The following NKAIN2 variants were observed in gnomAD, a reference collection of about 807,000 sequenced individuals.
The protein encoded by NKAIN2 is sodium/potassium transporting ATPase interacting 2, also known as sodium/potassium-transporting ATPase subunit beta-1-interacting protein 2.
In NKAIN2, 14 loss-of-function variants were observed where a neutral mutation model predicts 32.6. That is an observed-to-expected ratio of 0.43 (90% CI 0.28 to 0.67). The LOEUF is 0.67. Ranked by LOEUF, NKAIN2 falls within the 30% of genes least tolerant of loss-of-function variation. The pLI is 0.17. For synonymous variants in NKAIN2, 80 were observed against 87.2 expected (o/e 0.92, Z 0.46); for missense variants, 198 against 258.3 (o/e 0.77, Z 1.60).
At chr6:124,283,259 T>A in intron 2 of NKAIN2, 117 bp downstream of exon 2, 1 of 657,512 alleles carries the variant, frequency 1.5e-6, no homozygotes, top group Non-Finnish European at 2.6e-6. Context: ...TACTCTCTTT[T>A]AAGTACCATG....
intron 4 of NKAIN2, among the ~76,000 whole-genome samples, chr6:124,727,182 G>A (rs1375228828): frequency 6.6e-6 from 1 of 150,626 alleles, no homozygotes; most frequent in Non-Finnish European, 1.5e-5. Context: ...GCAGGCCAAC[G>A]TTCAGATTCA....
At chr6:124,732,389 C>CT (rs1776726458) in intron 4 of NKAIN2, among the ~76,000 whole-genome samples, 2 of 152,080 alleles carry the variant, frequency 1.3e-5, no homozygotes, top group East Asian at 3.9e-4. Flanking sequence ...AAGGCTAAGG[C>CT]TAAGAGGCAA....
rs149621122 is a variant in NKAIN2, at chr6:123,893,214, T to A, written c.54+88960T>A. ...GTATAATATTATAGAATATATATAT[T>A]TTTTAAGACCAGGTCTCACCCTGTC... On this transcript the variant is annotated intron_variant, in intron 1 of 6. Transcript: ENST00000368417. 4.9e-3 allele frequency among the ~76,000 whole-genome samples: 736 copies of A among 151,676 alleles called. 5 individuals carry two copies. Among genetic ancestry groups the A allele is most frequent in the African/African-American group, 0.017 (700 of 41,086 alleles).
intron 1 of NKAIN2, among the ~76,000 whole-genome samples, chr6:124,208,442 C>A (rs1582849735): frequency 6.6e-6 from 1 of 151,620 alleles, no homozygotes; most frequent in East Asian, 1.9e-4. Context: ...GGCATCATAA[C>A]TGAACAATAA....
intron 2 of NKAIN2, among the ~76,000 whole-genome samples, chr6:124,300,480 T>C (rs934317244): frequency 1.3e-5 from 2 of 152,172 alleles, no homozygotes; most frequent in African/African-American, 4.8e-5. Context: ...AGTAAATTGG[T>C]ACCAGTAAAG....
intron 1 of NKAIN2, among the ~76,000 whole-genome samples, chr6:124,010,188 T>C (rs1011635018): frequency 6.6e-6 from 1 of 152,116 alleles, no homozygotes; most frequent in Non-Finnish European, 1.5e-5. Context: ...ATTGAGAGGT[T>C]GCTGTCTGAG....
chr6:124,431,035 A>G (rs1775197140), intron 3 of NKAIN2, among the ~76,000 whole-genome samples: 1 of 152,202 alleles, frequency 6.6e-6, no homozygotes, highest in Admixed American at 6.5e-5. Flanking sequence ...TGAAAATGGC[A>G]ATAAGTTAGA....
intron 1 of NKAIN2, among the ~76,000 whole-genome samples, chr6:123,996,111 A>G (rs1167869853): frequency 6.6e-6 from 1 of 152,136 alleles, no homozygotes; most frequent in Non-Finnish European, 1.5e-5. Flanking sequence ...TATTTGAGAA[A>G]GGAAAACAGT....
At chr6:123,865,131 T>A (rs1156571114) in intron 1 of NKAIN2, among the ~76,000 whole-genome samples, 1 of 152,164 alleles carries the variant, frequency 6.6e-6, no homozygotes, top group Non-Finnish European at 1.5e-5. Context: ...TCAATAGGTC[T>A]AACACAGCTT....
chr6:123,900,281 C>G (rs1471511055), intron 1 of NKAIN2, among the ~76,000 whole-genome samples: 1 of 151,914 alleles, frequency 6.6e-6, no homozygotes, highest in Non-Finnish European at 1.5e-5. Flanking sequence ...ACCATCCTGT[C>G]CAACATGGTG....
At chr6:123,851,456 G>T (rs1004492489) in intron 1 of NKAIN2, among the ~76,000 whole-genome samples, 2 of 151,944 alleles carry the variant, frequency 1.3e-5, no homozygotes, top group Non-Finnish European at 2.9e-5. Flanking sequence ...TCACCATGTT[G>T]GCCAGGCTGG....
chr6:124,325,743 TA>T (rs1029292654), intron 2 of NKAIN2, among the ~76,000 whole-genome samples: 1 of 152,104 alleles, frequency 6.6e-6, no homozygotes, highest in African/African-American at 2.4e-5. Flanking sequence ...TGGTGATTAT[TA>T]GGGGTGTTAG....
intron 1 of NKAIN2, among the ~76,000 whole-genome samples, chr6:124,143,697 C>T (rs949771131): frequency 2.0e-5 from 3 of 151,870 alleles, no homozygotes; most frequent in Non-Finnish European, 4.4e-5. Context: ...AACAAGACAA[C>T]ATAATGTAAT....
chr6:124,730,792 A>G (rs1309410905), intron 4 of NKAIN2, among the ~76,000 whole-genome samples: 1 of 151,870 alleles, frequency 6.6e-6, no homozygotes, highest in East Asian at 1.9e-4. Flanking sequence ...AATGGGAGAA[A>G]ATTTTTGCAA....
intron 1 of NKAIN2, among the ~76,000 whole-genome samples, chr6:123,953,684 C>T (rs1777430515): frequency 6.6e-6 from 1 of 152,150 alleles, no homozygotes; most frequent in Non-Finnish European, 1.5e-5. Flanking sequence ...CCCCAGTCAG[C>T]ATGTTTGGAC....
chr6:124,458,687 A>G (rs1776414328), intron 3 of NKAIN2, among the ~76,000 whole-genome samples: 1 of 151,860 alleles, frequency 6.6e-6, no homozygotes, highest in South Asian at 2.1e-4. Context: ...ATAGGACTGT[A>G]TTATTTTGAG....
intron 2 of NKAIN2, among the ~76,000 whole-genome samples, chr6:124,315,337 A>T (rs1796904842): frequency 6.6e-6 from 1 of 152,166 alleles, no homozygotes; most frequent in Non-Finnish European, 1.5e-5. Flanking sequence ...TATTACAAAA[A>T]GCAAATGAGC....
At chr6:123,917,523 C>T (rs1775556672) in intron 1 of NKAIN2, among the ~76,000 whole-genome samples, 1 of 152,172 alleles carries the variant, frequency 6.6e-6, no homozygotes, top group Non-Finnish European at 1.5e-5. Context: ...ATATTTGCAA[C>T]TATGTCGTAG....
At chr6:124,276,505 G>A (rs1795038978) in intron 1 of NKAIN2, among the ~76,000 whole-genome samples, 1 of 151,822 alleles carries the variant, frequency 6.6e-6, no homozygotes, top group Admixed American at 6.6e-5. Flanking sequence ...CATTTTATAT[G>A]TGAATCCGAT....
Sources: allele counts gnomAD v4.1 joint callset (sites outside exome capture counted in the v4.1 genomes callset), GRCh38; gene constraint gnomAD v4.1.1; transcripts MANE v1.5; gene names NCBI Gene and HGNC (gene_info 2026-07-23, HGNC 2026-07-21).